Variants in SUSD4 observed in about 807,000 individuals in gnomAD.
SUSD4 encodes sushi domain containing 4.
A neutral mutation model predicts 50.5 loss-of-function variants in SUSD4; 41 were observed. The observed-to-expected ratio is 0.81, with a 90% CI of 0.63 to 1.05. SUSD4 has a LOEUF of 1.05. Among genes scored for constraint, SUSD4 ranks in the 50% least tolerant of loss-of-function variants. SUSD4 has a pLI of 0.00. For synonymous variants in SUSD4, 257 were observed against 257.3 expected (o/e 1.00, Z 0.01); for missense variants, 580 against 634.7 (o/e 0.91, Z 0.93).
chr1:223,264,764 T>G lies in SUSD4; in HGVS notation c.590A>C (p.Gln197Pro), dbSNP rs755869806. The change falls in exon 5 of 9, where the codon CAG (glutamine) becomes CCG (proline). Residue 197 changes from glutamine (Q) to proline (P), a missense_variant. Gln to Pro is a moderately conservative substitution (Grantham distance 76). Coordinates refer to ENST00000366878, the MANE Select transcript of SUSD4 (RefSeq NM_017982.4). ...CACAGTCCCCACCGGGAAGGAGGTC[T>G]GGAGCTCAGAGATGTTTACATAGCC... Reference protein sequence around the residue: ...SNGYVNISELQTSFPVGTVIS... With the variant: ...SNGYVNISELPTSFPVGTVIS... The G allele has an allele frequency of 6.2e-7, 1 of 1,614,170 alleles. No homozygotes were observed. Among genetic ancestry groups the G allele is most frequent in the South Asian group, 1.1e-5 (1 of 91,068 alleles).
intron 2 of SUSD4, among the ~76,000 whole-genome samples, chr1:223,309,350 T>C (rs1229137001): frequency 2.0e-5 from 3 of 152,156 alleles, no homozygotes; most frequent in African/African-American, 7.2e-5. Context: ...CTATTCATTA[T>C]TGGTTATCTT....
At chr1:223,278,318 AG>A (rs1243656295) in intron 3 of SUSD4, among the ~76,000 whole-genome samples, 1 of 152,122 alleles carries the variant, frequency 6.6e-6, no homozygotes, top group Non-Finnish European at 1.5e-5. Flanking sequence ...TTCCTAGCAA[AG>A]GGGAGGGGTG....
At chr1:223,317,545 C>A (rs551289006) in intron 2 of SUSD4, among the ~76,000 whole-genome samples, 1 of 152,206 alleles carries the variant, frequency 6.6e-6, no homozygotes, top group African/African-American at 2.4e-5. Context: ...CAGGTGAAGG[C>A]CTTCAGGTCA....
intron 5 of SUSD4, among the ~76,000 whole-genome samples, chr1:223,258,397 A>C (rs1322014088): frequency 6.6e-6 from 1 of 152,160 alleles, no homozygotes; most frequent in East Asian, 1.9e-4. Flanking sequence ...TACAGAGCTG[A>C]AAGGACCCCT....
chr1:223,364,467 G>C (rs974607909), upstream of SUSD4, among the ~76,000 whole-genome samples: 1 of 148,920 alleles, frequency 6.7e-6, no homozygotes, highest in Non-Finnish European at 1.5e-5. The surrounding 1 kb of genome is among the most constrained non-coding windows in gnomAD (Gnocchi z 4.5). Flanking sequence ...TGGCGAGGGC[G>C]GGGACGGGGA....
intron 2 of SUSD4, among the ~76,000 whole-genome samples, chr1:223,334,847 C>T (rs1157392295): frequency 1.3e-5 from 2 of 152,092 alleles, no homozygotes; most frequent in Non-Finnish European, 2.9e-5. Context: ...CACCCCCTTC[C>T]TACCCTTTCC....
At chr1:223,334,123 T>C (rs1572082861) in intron 2 of SUSD4, among the ~76,000 whole-genome samples, 1 of 151,838 alleles carries the variant, frequency 6.6e-6, no homozygotes, top group African/African-American at 2.4e-5. Context: ...CAAAACAATA[T>C]AGAAAGAAAA....
At chr1:223,315,354 A>C (rs1294410890) in intron 2 of SUSD4, among the ~76,000 whole-genome samples, 3 of 152,208 alleles carry the variant, frequency 2.0e-5, no homozygotes, top group Non-Finnish European at 4.4e-5. Flanking sequence ...CTAATTACTC[A>C]ACTTCTCTAA....
chr1:223,346,336 T>C (rs116485596), intron 2 of SUSD4, among the ~76,000 whole-genome samples: 5,335 of 152,266 alleles, frequency 0.035, 142 homozygotes, highest in Non-Finnish European at 0.054. Context: ...GAAAATAGTT[T>C]TCAAAGATTA....
At chr1:223,264,471 C>T (rs1230466915) in intron 5 of SUSD4, 159 bp downstream of exon 5, 2 of 1,367,550 alleles carry the variant, frequency 1.5e-6, no homozygotes, top group East Asian at 5.2e-5. Flanking sequence ...GTAAATATGG[C>T]TTCACGGCAG....
intron 5 of SUSD4, among the ~76,000 whole-genome samples, chr1:223,247,866 C>G (rs973049943): frequency 6.6e-6 from 1 of 152,128 alleles, no homozygotes; most frequent in Non-Finnish European, 1.5e-5. Flanking sequence ...CCCCCTCCAT[C>G]CCCTACGTGC....
In SUSD4 at chr1:223,292,545, G is replaced by T. The variant is rs745921005; in HGVS notation, c.255C>A (p.Cys85Ter). 1.2e-6 allele frequency: 2 copies of T among 1,614,106 alleles called. No individual in the cohort carries two copies. The highest frequency in any genetic ancestry group is 1.7e-6 in the Non-Finnish European group (2 of 1,180,006). Reference sequence around the variant, plus strand: ...CGCCCTTCAGCTTGAATCCGTCTTGGCAGTGAAATCGGGCTACAGAGCCTT... The same window carrying T: ...CGCCCTTCAGCTTGAATCCGTCTTGTCAGTGAAATCGGGCTACAGAGCCTT... The part of the protein sequence containing the change: ...FFEGSVARFH[C>*]QDGFKLKGAT... The change falls in exon 3 of 9, where the codon TGC (cysteine) becomes TGA (stop). Residue 85 changes from cysteine to a stop codon, truncating the protein, a stop_gained. Transcript: ENST00000366878. LOFTEE classifies it high-confidence loss of function.
intron 3 of SUSD4, among the ~76,000 whole-genome samples, chr1:223,269,354 G>A (rs1571931211): frequency 6.6e-6 from 1 of 152,214 alleles, no homozygotes; most frequent in East Asian, 1.9e-4. Flanking sequence ...GGCAAGGCTG[G>A]GGGCTGGGGG....
intron 2 of SUSD4, among the ~76,000 whole-genome samples, chr1:223,313,588 T>A (rs1484417684): frequency 6.6e-6 from 1 of 152,152 alleles, no homozygotes; most frequent in Admixed American, 6.5e-5. Flanking sequence ...CCATCTTGAA[T>A]AGGGGCTGAG....
rs1289024061 is a variant in SUSD4 at position 223,292,546 on chromosome 1, CA to C, written c.253del (p.Cys85AlafsTer7). 3.7e-6 allele frequency: 6 copies of C among 1,614,154 alleles called. No homozygotes were observed. The South Asian group carries it at 6.6e-5, about 18-fold the overall frequency. On this transcript the variant is annotated frameshift_variant, in exon 3 of 9. Coordinates refer to ENST00000366878, the MANE Select transcript of SUSD4 (RefSeq NM_017982.4). LOFTEE classifies it high-confidence loss of function. Reference protein sequence around the residue: ...FFEGSVARFHCQDGFKLKGAT... With the variant: ...FFEGSVARFHXQDGFKLKGAT... ...GCCCTTCAGCTTGAATCCGTCTTGG[CA>C]GTGAAATCGGGCTACAGAGCCTTCA...
chr1:223,358,937 G>A, intron 2 of SUSD4: 1 of 360,770 alleles, frequency 2.8e-6, no homozygotes. Context: ...TAAAACTAAG[G>A]GACTTAACAC....
At chr1:223,288,933 T>G (rs537680874) in intron 3 of SUSD4, among the ~76,000 whole-genome samples, 1 of 152,344 alleles carries the variant, frequency 6.6e-6, no homozygotes, top group South Asian at 2.1e-4. Flanking sequence ...GACGTATGTG[T>G]TGAGTAAGTG....
intron 2 of SUSD4, among the ~76,000 whole-genome samples, chr1:223,314,781 C>G (rs1450328362): frequency 6.6e-6 from 1 of 152,220 alleles, no homozygotes. Context: ...GAGGCCTCCC[C>G]AGCCATGTGG....
In SUSD4 at chr1:223,261,605, T is replaced by C. The variant is rs1189640394; in HGVS notation, c.724+3025A>G. Reference sequence around the variant, plus strand: ...AGCTCTCAAAATTAATGGTGGCTGTTCTTATTGTTCAGTATGTCCTCTTGG... The same window carrying C: ...AGCTCTCAAAATTAATGGTGGCTGTCCTTATTGTTCAGTATGTCCTCTTGG... On this transcript the variant is annotated intron_variant, in intron 5 of 8. Coordinates refer to ENST00000366878, the MANE Select transcript of SUSD4 (RefSeq NM_017982.4). 5.3e-5 allele frequency among the ~76,000 whole-genome samples: 8 copies of C among 152,196 alleles called. No individual in the cohort carries two copies. In the South Asian group the frequency reaches 1.7e-3, roughly 32 times the overall value.
Sources: gnomAD v4.1 joint callset for allele counts (sites outside exome capture counted in the v4.1 genomes callset) on GRCh38, gnomAD v4.1.1 for gene constraint, Gnocchi (gnomAD v3.1) non-coding constraint, MANE v1.5 for transcripts, NCBI Gene and HGNC (gene_info 2026-07-23, HGNC 2026-07-21) for gene names.